Variants in DLG2 observed in about 807,000 individuals in gnomAD.
The protein encoded by DLG2 is discs large MAGUK scaffold protein 2, also known as disks large homolog 2.
DLG2 carries 45 observed loss-of-function variants against 132.5 expected under a neutral mutation model. The observed-to-expected ratio is 0.34, with a 90% CI of 0.27 to 0.44. The LOEUF is 0.44. DLG2 is among the 20% of genes least tolerant of loss of function. The pLI, the probability that DLG2 is intolerant of heterozygous loss-of-function variation, is 1.00. For synonymous variants in DLG2, 424 were observed against 419.6 expected (o/e 1.01, Z -0.13); for missense variants, 1,045 against 1,196.9 (o/e 0.87, Z 1.87).
chr11:84,156,429 A>ATGAT (rs1394733965), intron 9 of DLG2, among the ~76,000 whole-genome samples: 2 of 152,178 alleles, frequency 1.3e-5, no homozygotes, highest in African/African-American at 4.8e-5. Context: ...ACCAGCACGC[A>ATGAT]TGATTACAGT....
chr11:84,915,901 C>T (rs1005852221), intron 6 of DLG2, among the ~76,000 whole-genome samples: 19 of 152,116 alleles, frequency 1.2e-4, no homozygotes, highest in African/African-American at 4.3e-4. Flanking sequence ...AGACACAGTT[C>T]CTGCCCTCAA....
At chr11:85,290,628 G>A (rs78551550) in intron 3 of DLG2, among the ~76,000 whole-genome samples, 5,289 of 152,104 alleles carry the variant, frequency 0.035, 139 homozygotes, top group Admixed American at 0.049. Flanking sequence ...TAAACAATAA[G>A]TACTTAGTAT....
chr11:84,648,709 C>A (rs1033693809), intron 6 of DLG2, among the ~76,000 whole-genome samples: 1 of 151,918 alleles, frequency 6.6e-6, no homozygotes, highest in African/African-American at 2.4e-5. Flanking sequence ...CCTCAACCCC[C>A]GCCCTGTCTC....
rs143719452 is a variant in DLG2 at position 84,659,370 on chromosome 11, T to G, written c.358-124639A>C. The stretch of plus-strand genomic sequence containing the variant: ...CTATAATGCCTTTTCAAGACTCCTT[T>G]CAGTTTGCTCTAGGTCTAGACTGGA... On this transcript the variant is annotated intron_variant, in intron 6 of 27. Coordinates refer to ENST00000376104, the MANE Select transcript of DLG2 (RefSeq NM_001142699.3). 2.0e-5 allele frequency among the ~76,000 whole-genome samples: 3 copies of G among 152,266 alleles called. No individual in the cohort carries two copies. In the East Asian group the frequency reaches 5.8e-4, roughly 29 times the overall value.
chr11:83,482,759 C>T (rs1390761976), intron 22 of DLG2, among the ~76,000 whole-genome samples: 1 of 152,108 alleles, frequency 6.6e-6, no homozygotes, highest in Non-Finnish European at 1.5e-5. Context: ...ATGCATGTTC[C>T]TTTTGACTAC....
chr11:84,683,918 G>A (rs944204860), intron 6 of DLG2, among the ~76,000 whole-genome samples: 2 of 152,088 alleles, frequency 1.3e-5, no homozygotes, highest in Non-Finnish European at 2.9e-5. Flanking sequence ...TTAGAGTCAG[G>A]TTTCAGAAAA....
chr11:85,510,269 A>G (rs2094029843), intron 3 of DLG2, among the ~76,000 whole-genome samples: 2 of 152,096 alleles, frequency 1.3e-5, no homozygotes, highest in African/African-American at 2.4e-5. Context: ...GGAAGAACTG[A>G]TAGGCCAGGA....
At position 84,740,838 on chromosome 11, in the gene DLG2, A is replaced by G. The variant is rs78691446; in HGVS notation, c.358-206107T>C. On this transcript the variant is annotated intron_variant, in intron 6 of 27. Transcript: ENST00000376104. ...CCTCCCTGAGTGGGAGAGGTTCTTG[A>G]GCCACTGAGTAGATGACACATCCCC... Among the ~76,000 whole-genome samples, 1,277 of 152,160 alleles carry G rather than the reference A, an allele frequency of 8.4e-3. 9 individuals carry two copies. Among genetic ancestry groups the G allele is most frequent in the Non-Finnish European group, 0.01 (685 of 68,020 alleles).
chr11:84,047,033 G>T (rs1210628020), intron 11 of DLG2, among the ~76,000 whole-genome samples: 1 of 151,534 alleles, frequency 6.6e-6, no homozygotes, highest in Non-Finnish European at 1.5e-5. Context: ...ACGGACATTG[G>T]TCCATGAGTT....
intron 6 of DLG2, among the ~76,000 whole-genome samples, chr11:84,902,960 T>TC (rs1406907964): frequency 2.2e-5 from 1 of 44,606 alleles, no homozygotes; most frequent in Non-Finnish European, 6.5e-5. Flanking sequence ...TCTTTCTTCC[T>TC]TTCCCAAGTT....
chr11:83,803,291 G>A (rs992685355), intron 17 of DLG2, among the ~76,000 whole-genome samples: 7 of 152,162 alleles, frequency 4.6e-5, no homozygotes, highest in Admixed American at 3.9e-4. Context: ...GTATGAAAAG[G>A]TGTCTATTTG....
rs746732527 is a variant in DLG2, at chr11:83,469,247, T to C, written c.2573A>G (p.Asn858Ser). 4 of 1,613,506 alleles carry C rather than the reference T, an allele frequency of 2.5e-6. No individual in the cohort carries two copies. The highest frequency in any genetic ancestry group is 1.1e-5 in the South Asian group (1 of 90,984). The change falls in exon 25 of 28, where the codon AAT (asparagine) becomes AGT (serine). Residue 858 changes from asparagine to serine, a missense_variant. Transcript: ENST00000376104. ...AGACTGCACACTGGTTCCATATAAA[T>C]TGTCATTGTACTGGCCGGCTTCTAT... ...KFIEAGQYNDNLYGTSVQSVR... is the reference protein window; with the variant it reads ...KFIEAGQYNDSLYGTSVQSVR...
At chr11:84,551,028 G>C (rs975198534) in intron 6 of DLG2, among the ~76,000 whole-genome samples, 6 of 152,100 alleles carry the variant, frequency 3.9e-5, no homozygotes, top group South Asian at 2.1e-4. Flanking sequence ...AAATGGGCTT[G>C]ATCTATCCAG....
chr11:84,424,453 A>G (rs1446914816), intron 7 of DLG2, among the ~76,000 whole-genome samples: 1 of 152,110 alleles, frequency 6.6e-6, no homozygotes, highest in Non-Finnish European at 1.5e-5. Flanking sequence ...TCATTTAAAA[A>G]AAAACTTAGG....
chr11:85,310,537 G>A (rs934983679), intron 3 of DLG2, among the ~76,000 whole-genome samples: 6 of 152,084 alleles, frequency 3.9e-5, no homozygotes, highest in Middle Eastern at 3.5e-3. Flanking sequence ...GATGTCTTGG[G>A]CATCCCTTTC....
intron 21 of DLG2, among the ~76,000 whole-genome samples, chr11:83,485,056 T>TTAAC (rs1182036885): frequency 6.6e-6 from 1 of 152,114 alleles, no homozygotes; most frequent in Admixed American, 6.6e-5. Flanking sequence ...TAAAGGGGTA[T>TTAAC]TAACTTGATA....
intron 18 of DLG2, among the ~76,000 whole-genome samples, chr11:83,776,711 C>T (rs1476306755): frequency 1.3e-5 from 2 of 152,218 alleles, no homozygotes; most frequent in African/African-American, 4.8e-5. Flanking sequence ...CTCCACTGCA[C>T]CATCCTCTCT....
intron 4 of DLG2, among the ~76,000 whole-genome samples, chr11:85,245,510 C>A (rs1198991641): frequency 6.6e-6 from 1 of 151,940 alleles, no homozygotes; most frequent in Non-Finnish European, 1.5e-5. Context: ...TCACTACCAC[C>A]CTGGTCTGAC....
intron 7 of DLG2, among the ~76,000 whole-genome samples, chr11:84,464,799 T>C (rs540172028): frequency 1.3e-4 from 20 of 151,314 alleles, no homozygotes; most frequent in African/African-American, 4.8e-4. Context: ...CACATGTATA[T>C]AGATATACAC....
Sources: gnomAD v4.1 joint callset for allele counts (sites outside exome capture counted in the v4.1 genomes callset) on GRCh38, gnomAD v4.1.1 for gene constraint, MANE v1.5 for transcripts, NCBI Gene and HGNC (gene_info 2026-07-23, HGNC 2026-07-21) for gene names.